Variants in MCC observed in about 807,000 individuals in gnomAD.
MCC encodes the protein colorectal mutant cancer protein.
In MCC, 90 loss-of-function variants were observed where a neutral mutation model predicts 116.2. The observed-to-expected ratio is 0.77, with a 90% CI of 0.65 to 0.92. The LOEUF (loss-of-function observed/expected upper bound fraction) is 0.92. MCC is among the 40% of genes least tolerant of loss of function. The probability of loss-of-function intolerance (pLI) is 0.00; values close to 1 mark genes in which losing one functional copy is unlikely to be tolerated. For synonymous variants in MCC, 578 were observed against 510.5 expected (o/e 1.13, Z -1.78); for missense variants, 1,516 against 1,312.2 (o/e 1.16, Z -2.40).
At chr5:113,109,840 G>T (rs982270271) in intron 6 of MCC, among the ~76,000 whole-genome samples, 1 of 152,096 alleles carries the variant, frequency 6.6e-6, no homozygotes, top group African/African-American at 2.4e-5. Flanking sequence ...AAAGAGATAT[G>T]GGAAGTCTAA....
chr5:113,036,455 G>A (rs565338341), intron 17 of MCC, among the ~76,000 whole-genome samples: 2 of 152,172 alleles, frequency 1.3e-5, no homozygotes, highest in Non-Finnish European at 2.9e-5. Flanking sequence ...TTCACAAAGG[G>A]AATACAGTAG....
intron 11 of MCC, among the ~76,000 whole-genome samples, chr5:113,080,822 AAAAAAG>A (rs1045938433): frequency 2.7e-5 from 4 of 146,198 alleles, no homozygotes; most frequent in African/African-American, 8.2e-5. Context: ...CAACAAAAAA[AAAAAAG>A]AAAAGAAAAA....
intron 1 of MCC, among the ~76,000 whole-genome samples, chr5:113,467,347 G>A (rs1771939821): frequency 6.6e-6 from 1 of 150,680 alleles, no homozygotes; most frequent in Non-Finnish European, 1.5e-5. Context: ...AATCCATCCT[G>A]AATTAATTTT....
intron 3 of MCC, among the ~76,000 whole-genome samples, chr5:113,198,539 TA>T (rs10718683): frequency 0.44 from 60,120 of 136,032 alleles, 13,408 homozygotes; most frequent in African/African-American, 0.58. Context: ...TACAAATAAT[TA>T]AAAAAAAAAA....
At chr5:113,048,230 G>A (rs1387672259) in intron 16 of MCC, among the ~76,000 whole-genome samples, 1 of 152,216 alleles carries the variant, frequency 6.6e-6, no homozygotes, top group Non-Finnish European at 1.5e-5. Context: ...CTTAACTGCA[G>A]TTTTGCTTTC....
chr5:113,246,216 A>AGTTAAAACATGT (rs1764569123), intron 3 of MCC, among the ~76,000 whole-genome samples: 2 of 152,244 alleles, frequency 1.3e-5, no homozygotes, highest in Admixed American at 1.3e-4. Flanking sequence ...TTCTGGAGGC[A>AGTTAAAACATGT]GTTAAAACAT....
chr5:113,426,273 A>C lies in MCC; in HGVS notation c.171-41061T>G, dbSNP rs184116492. On this transcript the variant is annotated intron_variant, in intron 1 of 18. Transcript: ENST00000408903. The stretch of plus-strand genomic sequence containing the variant: ...TTGAGGCTGGCAGATGAGGGCCACA[A>C]GGGAAGCAAAACTAGAAACATGGGA... Among the ~76,000 whole-genome samples, 814 of 152,262 alleles carry C rather than the reference A, an allele frequency of 5.3e-3. 4 individuals are homozygous for C. Among genetic ancestry groups the C allele is most frequent in the Middle Eastern group, 0.017 (5 of 292 alleles).
At chr5:113,178,043 C>T (rs1299793125) in intron 3 of MCC, among the ~76,000 whole-genome samples, 2 of 152,132 alleles carry the variant, frequency 1.3e-5, no homozygotes, top group Admixed American at 6.5e-5. Context: ...ATACCCAAAA[C>T]AGTGGGTAAT....
At chr5:113,454,280 T>G (rs1254537224) in intron 1 of MCC, among the ~76,000 whole-genome samples, 2 of 152,180 alleles carry the variant, frequency 1.3e-5, no homozygotes, top group Admixed American at 6.5e-5. Context: ...AATTTTTATA[T>G]TTTTTGTAGA....
At chr5:113,284,881 A>G (rs1282417514) in intron 3 of MCC, among the ~76,000 whole-genome samples, 1 of 152,238 alleles carries the variant, frequency 6.6e-6, no homozygotes, top group Non-Finnish European at 1.5e-5. Context: ...CTGATTCTAA[A>G]TAGTTGAAGG....
At chr5:113,466,892 G>A (rs1771925027) in intron 1 of MCC, among the ~76,000 whole-genome samples, 1 of 152,158 alleles carries the variant, frequency 6.6e-6, no homozygotes, top group Non-Finnish European at 1.5e-5. Flanking sequence ...GGTGTGAGAT[G>A]GTATCTCACT....
intron 3 of MCC, among the ~76,000 whole-genome samples, chr5:113,326,959 C>A (rs1454097214): frequency 6.6e-6 from 1 of 152,098 alleles, no homozygotes; most frequent in African/African-American, 2.4e-5. Context: ...TTTTATAATT[C>A]ACATATGGTA....
intron 3 of MCC, among the ~76,000 whole-genome samples, chr5:113,205,454 C>T (rs1174470673): frequency 6.6e-6 from 1 of 152,158 alleles, no homozygotes; most frequent in African/African-American, 2.4e-5. Flanking sequence ...AGTCTGAGCC[C>T]CTGCTCTGCC....
intron 3 of MCC, among the ~76,000 whole-genome samples, chr5:113,162,202 C>T (rs1363564990): frequency 6.6e-6 from 1 of 152,136 alleles, no homozygotes; most frequent in African/African-American, 2.4e-5. Context: ...TCACTTTGTT[C>T]CCAGAAAATG....
At chr5:113,271,008 T>C (rs1311994846) in intron 3 of MCC, among the ~76,000 whole-genome samples, 1 of 152,180 alleles carries the variant, frequency 6.6e-6, no homozygotes, top group African/African-American at 2.4e-5. Flanking sequence ...TTGCTTCATT[T>C]TTCTATCAAT....
intron 3 of MCC, among the ~76,000 whole-genome samples, chr5:113,245,661 T>C (rs1764546125): frequency 6.6e-6 from 1 of 152,174 alleles, no homozygotes; most frequent in African/African-American, 2.4e-5. Flanking sequence ...TCCTAGAGAA[T>C]ATAAGGCTTC....
At chr5:113,463,131 C>T (rs10050553) in intron 1 of MCC, among the ~76,000 whole-genome samples, 5,023 of 152,174 alleles carry the variant, frequency 0.033, 304 homozygotes, top group African/African-American at 0.11. Context: ...GCAGAACACA[C>T]TGGAGAAACT....
chr5:113,132,423 C>CACACATATATATATATATATATAT (rs1561384956), intron 5 of MCC, among the ~76,000 whole-genome samples: 2 of 130,188 alleles, frequency 1.5e-5, no homozygotes, highest in African/African-American at 6.3e-5. Context: ...TATATACACA[C>CACACATATATATATATATATATAT]ATACATATAT....
At chr5:113,482,741 C>G (rs1446019619) in intron 1 of MCC, among the ~76,000 whole-genome samples, 1 of 152,078 alleles carries the variant, frequency 6.6e-6, no homozygotes, top group Admixed American at 6.5e-5. Flanking sequence ...GAAGCATAAA[C>G]TTAAAAAATT....
Sources: gnomAD v4.1 joint callset for allele counts (sites outside exome capture counted in the v4.1 genomes callset) on GRCh38, gnomAD v4.1.1 for gene constraint, MANE v1.5 for transcripts, NCBI Gene and HGNC (gene_info 2026-07-23, HGNC 2026-07-21) for gene names.